PKHD1L1: variants seen among roughly 807,000 people sequenced by gnomAD.
The protein encoded by PKHD1L1 is PKHD1 like 1, also known as fibrocystin-L.
Under a neutral mutation model 462.9 loss-of-function variants are expected in PKHD1L1, and 434 were observed. That is an observed-to-expected ratio of 0.94 (90% CI 0.87 to 1.02). The LOEUF is 1.02. PKHD1L1 is among the 50% of genes least tolerant of loss of function. The pLI, the probability that PKHD1L1 is intolerant of heterozygous loss-of-function variation, is 0.00. For synonymous variants in PKHD1L1, 1,781 were observed against 1,750.0 expected (o/e 1.02, Z -0.44); for missense variants, 5,202 against 5,096.1 (o/e 1.02, Z -0.63).
intron 49 of PKHD1L1, among the ~76,000 whole-genome samples, chr8:109,465,881 A>G (rs1003006018): frequency 2.6e-5 from 4 of 152,182 alleles, no homozygotes; most frequent in African/African-American, 7.2e-5. Context: ...CATTTTCAAT[A>G]TTTCATAAAC....
In PKHD1L1 at chr8:109,451,099, A is replaced by C. The variant is rs1236636310; in HGVS notation, c.6300A>C (p.Arg2100Ser). 1 of 1,613,342 alleles carries C rather than the reference A, an allele frequency of 6.2e-7. No homozygotes were observed. The highest frequency in any genetic ancestry group is 1.3e-5 in the African/African-American group (1 of 75,018). ...TCATCACTGCAGTATCTCCTAAGAG[A>C]GGCAGTACAGCAGGGGGCACCAGAC... is the stretch of plus-strand genomic sequence containing the variant. ...TPLITAVSPK[R>S]GSTAGGTRLT... Residue 2100 changes from arginine (R) to serine (S), a missense_variant, in exon 41 of 78, where the codon AGA becomes AGC. Coordinates refer to ENST00000378402, the MANE Select transcript of PKHD1L1 (RefSeq NM_177531.6).
chr8:109,427,029 A>T lies in PKHD1L1; in HGVS notation c.2873A>T (p.Asp958Val). The T allele has an allele frequency of 6.3e-7, 1 of 1,594,518 alleles. No homozygotes were observed. Among genetic ancestry groups the T allele is most frequent in the South Asian group, 1.1e-5 (1 of 90,722 alleles). The change falls in exon 25 of 78, where the codon GAT (aspartate) becomes GTT (valine). Residue 958 changes from aspartate to valine, a missense_variant. Asp to Val is a radical substitution (Grantham distance 152). Transcript: ENST00000378402. ...CTCCCCGCTGCTGTGTCAGCTGCAG[A>T]TCTGCAGTTTGCACTCCAGAGTCTG... ...KGLPAAVSAADLQFALQSLEG... is the reference protein window; with the variant it reads ...KGLPAAVSAAVLQFALQSLEG...
intron 14 of PKHD1L1, among the ~76,000 whole-genome samples, chr8:109,402,865 G>A (rs930045868): frequency 6.6e-6 from 1 of 152,070 alleles, no homozygotes; most frequent in Non-Finnish European, 1.5e-5. Context: ...TTCTTGCTGA[G>A]GTCTTAGTAA....
chr8:109,437,727 A>G (rs1337492349), intron 30 of PKHD1L1, among the ~76,000 whole-genome samples: 2 of 152,068 alleles, frequency 1.3e-5, no homozygotes, highest in African/African-American at 4.8e-5. Flanking sequence ...TTGAGGGGAT[A>G]TGGTAAGCTA....
chr8:109,520,922 T>C (rs1035580314), intron 73 of PKHD1L1, among the ~76,000 whole-genome samples: 3 of 152,096 alleles, frequency 2.0e-5, no homozygotes, highest in African/African-American at 7.2e-5. Context: ...TGCCACTCCA[T>C]GCCAAAAACC....
chr8:109,413,646 TG>T, intron 21 of PKHD1L1, 101 bp downstream of exon 21: 1 of 1,054,126 alleles, frequency 9.5e-7, no homozygotes, highest in Non-Finnish European at 1.2e-6. Flanking sequence ...TTGGTCTGTT[TG>T]GGGAGATGAG....
At chr8:109,397,776 T>C (rs1813055135) in intron 11 of PKHD1L1, among the ~76,000 whole-genome samples, 1 of 152,174 alleles carries the variant, frequency 6.6e-6, no homozygotes, top group Non-Finnish European at 1.5e-5. Context: ...CAAAAATATC[T>C]CTCTCCATTT....
intron 16 of PKHD1L1, among the ~76,000 whole-genome samples, chr8:109,405,505 G>A (rs1217078462): frequency 1.3e-5 from 2 of 152,146 alleles, no homozygotes; most frequent in Non-Finnish European, 2.9e-5. Context: ...ATACTATGCA[G>A]CCATAAAAAG....
At position 109,476,510 on chromosome 8, in the gene PKHD1L1, A is replaced by C; in HGVS notation, c.8760A>C (p.Glu2920Asp). The change falls in exon 52 of 78, where the codon GAA (glutamate) becomes GAC (aspartate). Residue 2920 changes from glutamate (E) to aspartate (D), a missense_variant and splice_region_variant. Around this residue, in one of 3 missense-constraint regions of PKHD1L1, gnomAD observed 4,497 missense variants for 4,336.8 expected, o/e 1.04. Coordinates refer to ENST00000378402, the MANE Select transcript of PKHD1L1 (RefSeq NM_177531.6). ...SYTSTFYGFK[E>D]EDYVIISHNF... ...CATTTTTCTATAAACTTTTATAGGA[A>C]GAAGACTATGTAATTATATCACATA... 3.4e-6 allele frequency: 5 copies of C among 1,461,868 alleles called. No homozygotes were observed. The highest frequency in any genetic ancestry group is 4.7e-6 in the Non-Finnish European group (5 of 1,072,376). 90.6% of individuals were successfully genotyped at this position (1,461,868 alleles called of 1,614,324 possible).
chr8:109,499,667 G>T (rs1251089271), intron 67 of PKHD1L1, among the ~76,000 whole-genome samples: 1 of 152,166 alleles, frequency 6.6e-6, no homozygotes, highest in African/African-American at 2.4e-5. Flanking sequence ...TCTTTCATAA[G>T]ATATAGTCTT....
intron 72 of PKHD1L1, among the ~76,000 whole-genome samples, chr8:109,516,546 T>C (rs1272399350): frequency 1.3e-5 from 2 of 152,082 alleles, no homozygotes; most frequent in Non-Finnish European, 2.9e-5. Flanking sequence ...GGCTTCAACA[T>C]GTAAAATTTG....
chr8:109,401,408 A>G (rs561996776), intron 13 of PKHD1L1, 89 bp from the exon 14 acceptor site: 17 of 739,068 alleles, frequency 2.3e-5, no homozygotes, highest in Admixed American at 1.5e-4. Context: ...AACTTCTAAA[A>G]CTGAAATAAT....
intron 2 of PKHD1L1, among the ~76,000 whole-genome samples, chr8:109,373,452 C>A (rs1254094282): frequency 4.6e-5 from 7 of 150,888 alleles, no homozygotes; most frequent in Non-Finnish European, 3.0e-5. Context: ...TTTCAAAAAA[C>A]CAGCTCCTGG....
intron 46 of PKHD1L1, among the ~76,000 whole-genome samples, chr8:109,458,082 A>C (rs1014229454): frequency 6.6e-6 from 1 of 151,890 alleles, no homozygotes; most frequent in African/African-American, 2.4e-5. Context: ...TTAATCCTTT[A>C]TTTTAGAGTT....
chr8:109,465,030 G>A lies in PKHD1L1; in HGVS notation c.8198G>A (p.Ser2733Asn), dbSNP rs1413275243. ...CTAKGLVLPF[S>N]EGLTVSSVHF... ...GCAAAAGGCCTGGTTCTCCCATTTA[G>A]TGAAGGCTTGACTGTCTCTTCTGTG... Residue 2733 changes from serine (S) to asparagine (N), a missense_variant, in exon 49 of 78, where the codon AGT becomes AAT. By Grantham distance (46) the Ser-to-Asn change is conservative. Coordinates refer to ENST00000378402, the MANE Select transcript of PKHD1L1 (RefSeq NM_177531.6). 1 of 1,613,828 alleles carries A rather than the reference G, an allele frequency of 6.2e-7. No homozygotes were observed.
chr8:109,470,981 A>G, intron 50 of PKHD1L1: 2 of 1,610,730 alleles, frequency 1.2e-6, no homozygotes, highest in Non-Finnish European at 1.7e-6. Flanking sequence ...GCTCGAGTCC[A>G]TAGGCATCCC....
In PKHD1L1 at chr8:109,438,570, T is replaced by C. The variant is rs1815575227; in HGVS notation, c.3760+114T>C. 3.2e-6 allele frequency: 3 copies of C among 932,412 alleles called. No homozygotes were observed. In the East Asian group the frequency reaches 8.3e-5, roughly 26 times the overall value. 57.8% of individuals were successfully genotyped at this position (932,412 alleles called of 1,614,324 possible). ...TTTTGTTTCTTAAAGTGAAACCAGTTATAGTGTTATGTGTGTGTATGTTTT... is the reference window on the plus strand; with the variant it reads ...TTTTGTTTCTTAAAGTGAAACCAGTCATAGTGTTATGTGTGTGTATGTTTT... On this transcript the variant is annotated intron_variant, in intron 31 of 77. Coordinates refer to ENST00000378402, the MANE Select transcript of PKHD1L1 (RefSeq NM_177531.6).
At chr8:109,522,461 T>C in intron 74 of PKHD1L1, 124 bp downstream of exon 74, 1 of 1,166,836 alleles carries the variant, frequency 8.6e-7, no homozygotes, top group Non-Finnish European at 1.1e-6. Flanking sequence ...TTCTTATTTA[T>C]TGTTGACTTT....
intron 21 of PKHD1L1, 94 bp downstream of exon 21, chr8:109,413,639 G>A: frequency 2.6e-6 from 3 of 1,142,874 alleles, no homozygotes; most frequent in East Asian, 3.0e-5. Flanking sequence ...TTTTGTTTTG[G>A]TCTGTTTGGG....
Sources: allele counts gnomAD v4.1 joint callset (sites outside exome capture counted in the v4.1 genomes callset), GRCh38; gene constraint gnomAD v4.1.1; regional missense constraint gnomAD v4.1.1; transcripts MANE v1.5; gene names NCBI Gene and HGNC (gene_info 2026-07-23, HGNC 2026-07-21).